CCNB2: variants seen among roughly 807,000 people sequenced by gnomAD.
The protein encoded by CCNB2 is cyclin B2, also known as G2/mitotic-specific cyclin-B2.
Under a neutral mutation model 51.1 loss-of-function variants are expected in CCNB2, and 39 were observed. The ratio of observed to expected loss-of-function variants is 0.76; its 90% confidence interval spans 0.59 to 1.00. The LOEUF is 1.00. Ranked by LOEUF, CCNB2 falls within the 50% of genes least tolerant of loss-of-function variation. The pLI is 0.00. For missense variants in CCNB2, 472 were observed against 470.3 expected, an observed-to-expected ratio of 1.00 and a Z score of -0.03; for synonymous variants, 174 against 165.5, an observed-to-expected ratio of 1.05 and a Z score of -0.40.
At chr15:59,121,931 CAAAAAAAAA>C (rs3052992) in intron 7 of CCNB2, among the ~76,000 whole-genome samples, 11 of 14,102 alleles carry the variant, frequency 7.8e-4, no homozygotes, top group Non-Finnish European at 1.4e-3. Context: ...GACTCTGTCT[CAAAAAAAAA>C]AAAAAAAAAA....
At chr15:59,121,156 T>C (rs1377329143) in intron 7 of CCNB2, 2 of 152,180 alleles carry the variant, frequency 1.3e-5, no homozygotes, top group East Asian at 1.9e-4. Context: ...TGCTGTGATA[T>C]CTGCAAATCG....
chr15:59,113,409 T>C (rs565582112), intron 3 of CCNB2, among the ~76,000 whole-genome samples: 6 of 152,322 alleles, frequency 3.9e-5, no homozygotes, highest in Non-Finnish European at 7.3e-5. Context: ...AGGGATTATA[T>C]AGATGTTTGA....
chr15:59,115,787 G>GTGAC (rs1382257312), intron 5 of CCNB2: 4 of 152,148 alleles, frequency 2.6e-5, no homozygotes, highest in African/African-American at 9.7e-5. Context: ...CTGGAGTGCA[G>GTGAC]TGACACAATC....
chr15:59,116,418 C>T (rs28383538), intron 5 of CCNB2, among the ~76,000 whole-genome samples: 1 of 150,302 alleles, frequency 6.7e-6, no homozygotes, highest in Admixed American at 6.7e-5. Context: ...CTCAGGACAT[C>T]TATTTGTAAT....
rs2079270517 is a variant in CCNB2 at position 59,114,575 on chromosome 15, C to G, written c.399C>G (p.Asp133Glu). The G allele has an allele frequency of 6.2e-7, 1 of 1,610,318 alleles. No individual in the cohort carries two copies. Among genetic ancestry groups the G allele is most frequent in the African/African-American group, 1.3e-5 (1 of 74,850 alleles). The change falls in exon 4 of 9, where the codon GAC (aspartate) becomes GAG (glutamate). Residue 133 changes from aspartate to glutamate, a missense_variant. Transcript: ENST00000288207. ...EDWENPQLCS[D>E]YVKDIYQYLR... ...GGGAGAACCCTCAGCTCTGCAGTGACTACGTTAAGGATATCTATCAGTATC... is the reference window on the plus strand; with the variant it reads ...GGGAGAACCCTCAGCTCTGCAGTGAGTACGTTAAGGATATCTATCAGTATC...
chr15:59,105,548 G>A (rs1285127899), intron 1 of CCNB2, among the ~76,000 whole-genome samples: 1 of 152,194 alleles, frequency 6.6e-6, no homozygotes. Context: ...TTCCGAGATG[G>A]CGCCTGTCAA....
chr15:59,122,826 G>T lies in CCNB2; in HGVS notation c.976-691G>T, dbSNP rs1417301320. ...GCTGGGATTATAGGCGTGAGCCACT[G>T]TGCCCCGCCAATTTATATATCTTCT... On this transcript the variant is annotated intron_variant, in intron 7 of 8. Transcript: ENST00000288207. Among the ~76,000 whole-genome samples, 3 of 152,306 alleles carry T rather than the reference G, an allele frequency of 2.0e-5. No individual in the cohort carries two copies. In the East Asian group the frequency reaches 5.8e-4, roughly 29 times the overall value.
rs200635946 is a variant in CCNB2 at position 59,114,715 on chromosome 15, C to T, written c.439-3C>T. On this transcript the variant is annotated splice_region_variant and splice_polypyrimidine_tract_variant and intron_variant, in intron 4 of 8. Transcript: ENST00000288207. ...CTTTTTAAACTTTTGATTCTACCCACAGGTTTTGCAGTCCATAAACCCACA... is the reference window on the plus strand; with the variant it reads ...CTTTTTAAACTTTTGATTCTACCCATAGGTTTTGCAGTCCATAAACCCACA... The T allele has an allele frequency of 8.7e-6, 14 of 1,603,348 alleles. No homozygotes were observed. The highest frequency in any genetic ancestry group is 8.5e-5 in the Admixed American group (5 of 58,722).
At chr15:59,107,496 A>G (rs1264792480) in intron 2 of CCNB2, 46 bp downstream of exon 2, 18 of 1,613,886 alleles carry the variant, frequency 1.1e-5, no homozygotes, top group Middle Eastern at 1.6e-4. Context: ...CCGATTCTGT[A>G]TAGTGCTGAG....
rs762576167 is a variant in CCNB2, at chr15:59,114,778, G to A, written c.499G>A (p.Ala167Thr). 10 of 1,613,992 alleles carry A rather than the reference G, an allele frequency of 6.2e-6. No individual in the cohort carries two copies. Among genetic ancestry groups the A allele is most frequent in the African/African-American group, 2.7e-5 (2 of 74,930 alleles). Residue 167 changes from alanine (A) to threonine (T), a missense_variant, in exon 5 of 9, where the codon GCC becomes ACC. Ala to Thr is a moderately conservative substitution (Grantham distance 58). Transcript: ENST00000288207. ...DGRDINGRMR[A>T]ILVDWLVQVH... Reference sequence around the variant, plus strand: ...AAGAGATATAAATGGACGCATGCGTGCCATCCTAGTGGATTGGCTGGTACA... The same window carrying A: ...AAGAGATATAAATGGACGCATGCGTACCATCCTAGTGGATTGGCTGGTACA...
At chr15:59,120,092 T>G (rs1285170347) in intron 7 of CCNB2, among the ~76,000 whole-genome samples, 2 of 152,136 alleles carry the variant, frequency 1.3e-5, no homozygotes, top group African/African-American at 4.8e-5. Context: ...AAAACCCCTA[T>G]TATGTTTTGG....
chr15:59,121,929 CTCAAAA>C, intron 7 of CCNB2, among the ~76,000 whole-genome samples: 1 of 66,366 alleles, frequency 1.5e-5, no homozygotes. Flanking sequence ...GAGACTCTGT[CTCAAAA>C]AAAAAAAAAA....
rs1409331587 is a variant in CCNB2 at position 59,114,877 on chromosome 15, G to A, written c.597+1G>A. 20 of 1,610,866 alleles carry A rather than the reference G, an allele frequency of 1.2e-5. No homozygotes were observed. The Admixed American group carries it at 3.3e-4, about 27-fold the overall frequency. ...TGGCATTATGGATCGATTTTTACAG[G>A]TAGGTGTGGCTTCAGGGACTTCACG... On this transcript the variant is annotated splice_donor_variant, in intron 5 of 8. Coordinates refer to ENST00000288207, the MANE Select transcript of CCNB2 (RefSeq NM_004701.4). LOFTEE classifies it high-confidence loss of function.
At chr15:59,118,080 T>A (rs116620169) in intron 7 of CCNB2, among the ~76,000 whole-genome samples, 1 of 152,210 alleles carries the variant, frequency 6.6e-6, no homozygotes, top group Non-Finnish European at 1.5e-5. Context: ...TTCTTAGATA[T>A]TACGTTAAGT....
In CCNB2 at chr15:59,105,221, C is replaced by G; in HGVS notation, c.-48C>G. Reference sequence around the variant, plus strand: ...ACGCTAGTGTCCTCCCTTTTCAGTCCGCGTCCCTCCCTGGGCCGGGCTGGC... The same window carrying G: ...ACGCTAGTGTCCTCCCTTTTCAGTCGGCGTCCCTCCCTGGGCCGGGCTGGC... On this transcript the variant is annotated 5_prime_UTR_variant, in exon 1 of 9. Transcript: ENST00000288207. 6.5e-7 allele frequency: 1 copy of G among 1,543,702 alleles called. No homozygotes were observed. The highest frequency in any genetic ancestry group is 8.8e-7 in the Non-Finnish European group (1 of 1,142,482).
At chr15:59,124,500 G>A (rs1478302720) in intron 8 of CCNB2, 3 of 442,864 alleles carry the variant, frequency 6.8e-6, no homozygotes, top group Admixed American at 8.0e-5. Flanking sequence ...CCCTCTGGTA[G>A]CCTACAAGAG....
chr15:59,125,031 G>T lies in CCNB2; in HGVS notation c.*154G>T, dbSNP rs1406060471. The T allele has an allele frequency of 4.1e-6, 2 of 484,770 alleles. No homozygotes were observed. Among genetic ancestry groups the T allele is most frequent in the Non-Finnish European group, 3.6e-6 (1 of 275,456 alleles). 30.0% of individuals were successfully genotyped at this position (484,770 alleles called of 1,614,324 possible). A position where few individuals can be genotyped will look rare whatever the true frequency, so the allele number is the denominator to read the frequency against. On this transcript the variant is annotated 3_prime_UTR_variant, in exon 9 of 9. Transcript: ENST00000288207. ...ATATTGAGGAAAAATAAAGCGATTG[G>T]TTTTTCTTAAGGTATCCCATGTGTA...
At position 59,116,941 on chromosome 15, in the gene CCNB2, C is replaced by T; in HGVS notation, c.834+15C>T. 6.3e-7 allele frequency: 1 copy of T among 1,584,280 alleles called. No homozygotes were observed. Among genetic ancestry groups the T allele is most frequent in the Non-Finnish European group, 8.7e-7 (1 of 1,153,908 alleles). ...AAGCCGGGGAGGTAAGTGCCTCCAG[C>T]TCTGTAAGAGACTATTTTTGCTTGG... On this transcript the variant is annotated intron_variant, in intron 6 of 8. Coordinates refer to ENST00000288207, the MANE Select transcript of CCNB2 (RefSeq NM_004701.4).
intron 3 of CCNB2, among the ~76,000 whole-genome samples, chr15:59,113,815 T>G (rs1340386285): frequency 6.6e-6 from 1 of 152,202 alleles, no homozygotes. Flanking sequence ...AACCTCTGCC[T>G]CAGCCTCCTG....
Sources: gnomAD v4.1 joint callset for allele counts (sites outside exome capture counted in the v4.1 genomes callset) on GRCh38, gnomAD v4.1.1 for gene constraint, MANE v1.5 for transcripts, NCBI Gene and HGNC (gene_info 2026-07-23, HGNC 2026-07-21) for gene names.